The following ZNF423 variants were observed in gnomAD, a reference collection of about 807,000 sequenced individuals.
The protein encoded by ZNF423 is zinc finger protein 423.
Under a neutral mutation model 95.8 loss-of-function variants are expected in ZNF423, and 12 were observed. The ratio of observed to expected loss-of-function variants is 0.13; its 90% CI spans 0.08 to 0.20. The LOEUF (loss-of-function observed/expected upper bound fraction) is 0.20, where lower values mean the gene tolerates loss of function less well. Among genes scored for constraint, ZNF423 ranks in the 10% least tolerant of loss-of-function variants. The pLI is 1.00. For missense variants in ZNF423, 1,316 were observed against 1,737.1 expected, an observed-to-expected ratio of 0.76 and a Z score of 4.31; for synonymous variants, 749 against 711.9, an observed-to-expected ratio of 1.05 and a Z score of -0.83.
At chr16:49,702,007 G>T (rs2032197473) in intron 3 of ZNF423, among the ~76,000 whole-genome samples, 1 of 152,180 alleles carries the variant, frequency 6.6e-6, no homozygotes, top group African/African-American at 2.4e-5. Context: ...ACATTTTGAG[G>T]CATTATGAAA....
upstream of ZNF423, among the ~76,000 whole-genome samples, chr16:49,857,306 T>TGGTGGCGGC (rs1555491037): frequency 1.4e-5 from 2 of 144,354 alleles, no homozygotes; most frequent in African/African-American, 5.0e-5. This position sits in a 1 kb window ranked among gnomAD's most constrained non-coding sequence, Gnocchi z 6.2. Context: ...CGGACCGTGG[T>TGGTGGCGGC]GGCGGCGGCG....
chr16:49,709,242 C>T (rs1207381222), intron 3 of ZNF423, among the ~76,000 whole-genome samples: 1 of 150,140 alleles, frequency 6.7e-6, no homozygotes, highest in Non-Finnish European at 1.5e-5. Context: ...ACTTCAGAAG[C>T]ACCATCATTT....
chr16:49,700,215 A>G (rs56681160), intron 3 of ZNF423, among the ~76,000 whole-genome samples: 47,311 of 135,342 alleles, frequency 0.35, 8,624 homozygotes, highest in African/African-American at 0.47. Context: ...AAAAAAAAAA[A>G]AACAAGAAGA....
At chr16:49,557,983 G>A (rs1055713558) in intron 5 of ZNF423, among the ~76,000 whole-genome samples, 2 of 152,232 alleles carry the variant, frequency 1.3e-5, no homozygotes, top group Admixed American at 6.5e-5. Flanking sequence ...CCACAGAGGG[G>A]AAAAGACGAG....
intron 2 of ZNF423, among the ~76,000 whole-genome samples, chr16:49,754,819 A>C (rs1596971093): frequency 6.6e-6 from 1 of 152,224 alleles, no homozygotes. Context: ...TTTTTTGCCA[A>C]CATTGTGTAC....
rs2151643692 is a variant in ZNF423 at position 49,492,868 on chromosome 16, A to T, written c.3850-1564T>A. On this transcript the variant is annotated intron_variant, in intron 7 of 7. Transcript: ENST00000563137. This position sits in a 1 kb window ranked among gnomAD's most constrained non-coding sequence, Gnocchi z 4.2. The stretch of plus-strand genomic sequence containing the variant: ...GTCACCCAGGTTGGAAGCACCGGGC[A>T]CTGAACCAGATGGCTGGAATCCACT... Among the ~76,000 whole-genome samples, 1 of 152,296 alleles carries T rather than the reference A, an allele frequency of 6.6e-6. No individual in the cohort carries two copies. Among genetic ancestry groups the T allele is most frequent in the South Asian group, 2.1e-4 (1 of 4,828 alleles).
chr16:49,730,815 G>A lies in ZNF423; in HGVS notation c.257C>T (p.Ser86Phe), dbSNP rs759166277. The stretch of plus-strand genomic sequence containing the variant: ...CCGGTGGTCCGTCAGGTCTGCCAGA[G>A]ACTCGAAGTCCTGCTGACAGTGATC... ...TCDHCQQDFE[S>F]LADLTDHRAH... The change falls in exon 3 of 8, where the codon TCT becomes TTT. Residue 86 changes from serine to phenylalanine, a missense_variant. Coordinates refer to ENST00000563137, the MANE Select transcript of ZNF423 (RefSeq NM_001379286.1). 1.1e-5 allele frequency: 18 copies of A among 1,614,174 alleles called. No individual in the cohort carries two copies. The highest frequency in any genetic ancestry group is 1.4e-5 in the Non-Finnish European group (17 of 1,180,024).
chr16:49,545,587 G>C (rs374895846), intron 5 of ZNF423, among the ~76,000 whole-genome samples: 18 of 152,166 alleles, frequency 1.2e-4, no homozygotes, highest in East Asian at 3.9e-4. Context: ...AGACTGCAGT[G>C]GTAGCTCATG....
At chr16:49,594,605 A>G (rs1014487494) in intron 5 of ZNF423, among the ~76,000 whole-genome samples, 1 of 152,244 alleles carries the variant, frequency 6.6e-6, no homozygotes, top group African/African-American at 2.4e-5. Context: ...CATTAAACAC[A>G]TAAGACCACA....
At chr16:49,513,027 C>T (rs1039953038) in intron 7 of ZNF423, among the ~76,000 whole-genome samples, 2 of 152,052 alleles carry the variant, frequency 1.3e-5, no homozygotes, top group African/African-American at 2.4e-5. Context: ...ACCCGGGAGG[C>T]GGAGATTGCA....
At chr16:49,851,004 A>C (rs1327615116) in intron 1 of ZNF423, among the ~76,000 whole-genome samples, 2 of 152,178 alleles carry the variant, frequency 1.3e-5, no homozygotes, top group Non-Finnish European at 2.9e-5. Flanking sequence ...GGCTGTCGGG[A>C]ACTCAGAGCC....
In ZNF423 at chr16:49,637,005, G is replaced by C; in HGVS notation, c.2171C>G (p.Thr724Ser). 6.2e-7 allele frequency: 1 copy of C among 1,613,926 alleles called. No homozygotes were observed. The highest frequency in any genetic ancestry group is 8.5e-7 in the Non-Finnish European group (1 of 1,180,038). The change falls in exon 4 of 8, where the codon ACC becomes AGC. Residue 724 changes from threonine (T) to serine (S), a missense_variant. Thr to Ser is a moderately conservative substitution (Grantham distance 58, BLOSUM62 1). Around this residue, in one of 6 missense-constraint regions of ZNF423, gnomAD observed 620 missense variants for 775.6 expected, o/e 0.80. Coordinates refer to ENST00000563137, the MANE Select transcript of ZNF423 (RefSeq NM_001379286.1). The surrounding 1 kb of genome is among the most constrained non-coding windows in gnomAD (Gnocchi z 5.6). ...CAGGGTGCAGTGGTACAACACAAAG[G>C]TGTGCATGTCCAGCAGGTGCTTCTG... ...DLQKHLLDMH[T>S]FVLYHCTLCQ... is the part of the protein sequence containing the mutation.
chr16:49,746,793 C>T (rs2033534022), intron 2 of ZNF423, among the ~76,000 whole-genome samples: 1 of 152,206 alleles, frequency 6.6e-6, no homozygotes, highest in African/African-American at 2.4e-5. Context: ...CTTTCTAAGA[C>T]AGCTCAGGGC....
At chr16:49,589,781 G>A (rs975016721) in intron 5 of ZNF423, among the ~76,000 whole-genome samples, 49 of 152,006 alleles carry the variant, frequency 3.2e-4, no homozygotes, top group Admixed American at 3.1e-3. Context: ...AGCCGGGAAC[G>A]CTACAGTGGG....
intron 7 of ZNF423, among the ~76,000 whole-genome samples, chr16:49,509,629 C>T (rs1967799408): frequency 6.6e-6 from 1 of 152,106 alleles, no homozygotes; most frequent in Non-Finnish European, 1.5e-5. Context: ...CCCAGAGCAC[C>T]CTGGTCTCTC....
At chr16:49,850,577 G>A (rs765102141) in intron 1 of ZNF423, among the ~76,000 whole-genome samples, 30 of 152,286 alleles carry the variant, frequency 2.0e-4, no homozygotes, top group East Asian at 9.6e-4. Flanking sequence ...CCAGCGTGCC[G>A]TGGACAAGGC....
chr16:49,516,048 C>T lies in ZNF423; in HGVS notation c.3849+7576G>A, dbSNP rs138535061. Among the ~76,000 whole-genome samples, 22 of 152,340 alleles carry T rather than the reference C, an allele frequency of 1.4e-4. 1 individual carries two copies. In the East Asian group the frequency reaches 3.5e-3, roughly 24 times the overall value. On this transcript the variant is annotated intron_variant, in intron 7 of 7. Coordinates refer to ENST00000563137, the MANE Select transcript of ZNF423 (RefSeq NM_001379286.1). ...AGTCAAATCTACATACCACCCTCCA[C>T]GGCGCCCGGACGTGGCTCAGAAATA...
chr16:49,846,135 C>T (rs932526125), intron 1 of ZNF423, among the ~76,000 whole-genome samples: 9 of 151,936 alleles, frequency 5.9e-5, no homozygotes, highest in African/African-American at 2.2e-4. Flanking sequence ...AACTCCATCT[C>T]TAATAAAAAC....
chr16:49,801,972 C>A (rs150247874), intron 1 of ZNF423, among the ~76,000 whole-genome samples: 1 of 152,090 alleles, frequency 6.6e-6, no homozygotes, highest in African/African-American at 2.4e-5. Context: ...CTTCAGCCCC[C>A]CAAGTAGCTG....
Sources: allele counts gnomAD v4.1 joint callset (sites outside exome capture counted in the v4.1 genomes callset), GRCh38; gene constraint gnomAD v4.1.1; regional missense constraint gnomAD v4.1.1; non-coding constraint Gnocchi (gnomAD v3.1); transcripts MANE v1.5; gene names NCBI Gene and HGNC (gene_info 2026-07-23, HGNC 2026-07-21).